Variants in NFIA observed in about 807,000 individuals in gnomAD.
NFIA encodes the protein nuclear factor 1 A-type.
In NFIA, 8 loss-of-function variants were observed where a neutral mutation model predicts 62.8. That is an observed-to-expected ratio of 0.13 (90% confidence interval 0.07 to 0.23). The LOEUF (loss-of-function observed/expected upper bound fraction) is 0.23, where lower values mean the gene tolerates loss of function less well. Among genes scored for constraint, NFIA ranks in the 10% least tolerant of loss-of-function variants. NFIA has a pLI of 1.00. For synonymous variants in NFIA, 235 were observed against 238.1 expected (o/e 0.99, Z 0.12); for missense variants, 410 against 642.1 (o/e 0.64, Z 3.91).
intron 7 of NFIA, among the ~76,000 whole-genome samples, chr1:61,394,612 G>A (rs1034273384): frequency 6.6e-6 from 1 of 152,200 alleles, no homozygotes; most frequent in African/African-American, 2.4e-5. Flanking sequence ...TGTAGTAGAG[G>A]ACACTAAGGA....
intron 2 of NFIA, among the ~76,000 whole-genome samples, chr1:61,129,293 C>T (rs1647032690): frequency 6.6e-6 from 1 of 151,846 alleles, no homozygotes; most frequent in Admixed American, 6.6e-5. Context: ...TATGAAGTAG[C>T]CCAGTTGTCC....
At chr1:61,401,409 G>T (rs1182493305) in intron 7 of NFIA, among the ~76,000 whole-genome samples, 1 of 152,176 alleles carries the variant, frequency 6.6e-6, no homozygotes, top group Non-Finnish European at 1.5e-5. Flanking sequence ...AGTTGCTAAT[G>T]ATTGTCTTTT....
At position 61,088,749 on chromosome 1, in the gene NFIA, T is replaced by C. The variant is rs544778148; in HGVS notation, c.559+69T>C. 512 of 1,515,422 alleles carry C rather than the reference T, an allele frequency of 3.4e-4. No homozygotes were observed. Among genetic ancestry groups the C allele is most frequent in the Admixed American group, 6.8e-4 (34 of 50,302 alleles). The allele number at this position is 1,515,422 out of a possible 1,614,324, so 93.9% of individuals were successfully genotyped here. ...TTCTTTCCTGATGGCCTCCGCGTTA[T>C]GCCGGATTCTTCCTGAGCTCCCCAA... On this transcript the variant is annotated intron_variant, in intron 2 of 10. Coordinates refer to ENST00000403491, the MANE Select transcript of NFIA (RefSeq NM_001134673.4). The surrounding 1 kb of genome is among the most constrained non-coding windows in gnomAD (Gnocchi z 4.5).
At chr1:61,303,788 G>T (rs1659612569) in intron 3 of NFIA, among the ~76,000 whole-genome samples, 1 of 152,194 alleles carries the variant, frequency 6.6e-6, no homozygotes, top group Admixed American at 6.5e-5. Context: ...CACTGGTCCA[G>T]GGATCACACT....
chr1:61,444,357 C>T (rs145730891), intron 10 of NFIA, among the ~76,000 whole-genome samples: 1 of 152,270 alleles, frequency 6.6e-6, no homozygotes, highest in African/African-American at 2.4e-5. Flanking sequence ...TTAATACTAA[C>T]GAGAACTTGG....
rs534448924 is a variant in NFIA at position 61,278,041 on chromosome 1, A to G, written c.625+456A>G. Among the ~76,000 whole-genome samples the G allele has an allele frequency of 1.1e-4, 11 of 97,058 alleles. No homozygotes were observed. In the East Asian group the frequency reaches 1.3e-3, roughly 11 times the overall value. The allele number at this position is 97,058 out of a possible 152,430, so 63.7% of individuals were successfully genotyped here. A position where few individuals can be genotyped will look rare whatever the true frequency, so the allele number is the denominator to read the frequency against. On this transcript the variant is annotated intron_variant, in intron 3 of 10. Transcript: ENST00000403491. The stretch of plus-strand genomic sequence containing the variant: ...CTTTTGGGAGCTCAACACTTTGCCA[A>G]TTCCTTTAAGAAAAAAAAAAATATC...
At chr1:61,250,963 T>A (rs2100210831) in intron 2 of NFIA, 1 of 152,330 alleles carries the variant, frequency 6.6e-6, no homozygotes, top group African/African-American at 2.4e-5. Context: ...TGTTTTTCTA[T>A]GTATGAGAAA....
At chr1:61,305,041 A>G (rs1336803748) in intron 3 of NFIA, among the ~76,000 whole-genome samples, 1 of 152,220 alleles carries the variant, frequency 6.6e-6, no homozygotes, top group East Asian at 1.9e-4. Flanking sequence ...ACTGGTCCCT[A>G]ACCAAAATTC....
intron 2 of NFIA, among the ~76,000 whole-genome samples, chr1:61,250,621 A>C (rs1384494709): frequency 1.3e-5 from 2 of 152,198 alleles, no homozygotes; most frequent in African/African-American, 2.4e-5. Flanking sequence ...TGAAATGTAC[A>C]CTGGATATTG....
chr1:61,147,919 C>T (rs960782062), intron 2 of NFIA, among the ~76,000 whole-genome samples: 2 of 152,062 alleles, frequency 1.3e-5, no homozygotes, highest in African/African-American at 4.8e-5. Context: ...CCAACATTAT[C>T]CTAGGGGGTT....
At chr1:61,177,292 C>T (rs893475231) in intron 2 of NFIA, among the ~76,000 whole-genome samples, 5 of 152,056 alleles carry the variant, frequency 3.3e-5, no homozygotes, top group South Asian at 4.1e-4. Context: ...TATGAAAAAA[C>T]GCAAAAGAAG....
intron 2 of NFIA, among the ~76,000 whole-genome samples, chr1:61,173,062 T>C (rs1363722890): frequency 6.6e-6 from 1 of 152,192 alleles, no homozygotes; most frequent in Non-Finnish European, 1.5e-5. Flanking sequence ...TGCTTGTAAG[T>C]CCTACCCAGG....
chr1:61,200,999 T>C (rs946575825), intron 2 of NFIA, among the ~76,000 whole-genome samples: 2 of 152,140 alleles, frequency 1.3e-5, no homozygotes, highest in African/African-American at 4.8e-5. Flanking sequence ...TTCTGTAGGG[T>C]TGCTGAAACA....
chr1:61,184,349 C>T (rs1474075521), intron 2 of NFIA, among the ~76,000 whole-genome samples: 2 of 152,228 alleles, frequency 1.3e-5, no homozygotes, highest in Non-Finnish European at 1.5e-5. Context: ...GCCACGAGGG[C>T]ACGCACAGCC....
upstream of NFIA, chr1:61,082,378 C>A (rs1490047236): frequency 6.8e-5 from 45 of 662,358 alleles, no homozygotes; most frequent in East Asian, 1.4e-4. Context: ...CCCCCTCCCC[C>A]CCGCGGCGGC....
chr1:61,271,983 C>T (rs1167992632), intron 2 of NFIA, among the ~76,000 whole-genome samples: 2 of 152,104 alleles, frequency 1.3e-5, no homozygotes, highest in African/African-American at 4.8e-5. Flanking sequence ...GGTTATTGTA[C>T]GTTAATTTTC....
chr1:61,161,864 T>G (rs1649235532), intron 2 of NFIA, among the ~76,000 whole-genome samples: 1 of 152,190 alleles, frequency 6.6e-6, no homozygotes, highest in Non-Finnish European at 1.5e-5. Context: ...AGGAAAAGAT[T>G]AAAGCATGTT....
At chr1:61,110,269 T>TA (rs1646673127) in intron 2 of NFIA, among the ~76,000 whole-genome samples, 1 of 151,664 alleles carries the variant, frequency 6.6e-6, no homozygotes, top group Non-Finnish European at 1.5e-5. Context: ...TTTTTTTTTT[T>TA]ACATGAGAGT....
chr1:61,092,889 G>T lies in NFIA; in HGVS notation c.559+4209G>T, dbSNP rs74490580. Among the ~76,000 whole-genome samples, 208 of 152,030 alleles carry T rather than the reference G, an allele frequency of 1.4e-3. 5 individuals carry two copies. In the East Asian group the frequency reaches 0.035, roughly 25 times the overall value. ...CTGTGTAGGGGCGTGTGTGTGCTTC[G>T]TGTGCATGTGCGTGCACATCCAGGC... On this transcript the variant is annotated intron_variant, in intron 2 of 10. Transcript: ENST00000403491.
Sources: gnomAD v4.1 joint callset for allele counts (sites outside exome capture counted in the v4.1 genomes callset) on GRCh38, gnomAD v4.1.1 for gene constraint, Gnocchi (gnomAD v3.1) non-coding constraint, MANE v1.5 for transcripts, NCBI Gene and HGNC (gene_info 2026-07-23, HGNC 2026-07-21) for gene names.